The following SMC1A variants were observed in gnomAD, a reference collection of about 807,000 sequenced individuals.
The protein encoded by SMC1A is structural maintenance of chromosomes 1A.
Under a neutral mutation model 94.5 loss-of-function variants are expected in SMC1A, and 4 were observed. That is an observed-to-expected ratio of 0.04 (90% CI 0.02 to 0.10). SMC1A has a LOEUF of 0.10. Ranked by LOEUF, SMC1A falls within the 10% of genes least tolerant of loss-of-function variation. SMC1A has a pLI of 1.00. For missense variants in SMC1A, 304 were observed against 989.0 expected (o/e 0.31, Z 9.29); for synonymous variants, 345 against 347.7 (o/e 0.99, Z 0.09).
chrX:53,381,677 G>A (rs782386499), intron 22 of SMC1A: 1 of 152,082 alleles, frequency 6.6e-6, no homozygotes, highest in Non-Finnish European at 1.3e-5. Flanking sequence ...TATGCATCTG[G>A]CTTCTACTAG....
Position 53,380,112 on chromosome X carries a change from A to T in SMC1A, c.3693T>A (p.Asn1231Lys). 8.3e-7 allele frequency: 1 copy of T among 1,204,042 alleles called. No individual in the cohort carries two copies. The highest frequency in any genetic ancestry group is 1.1e-6 in the Non-Finnish European group (1 of 889,291). ...TKYPDANPNPNEQ is the reference protein window; with the variant it reads ...TKYPDANPNPKEQ ...GAGGGCAAAAATACTGCTACTGCTC[A>T]TTGGGGTTGGGGTTGGCATCTGGGT... The change falls in exon 25 of 25, where the codon AAT (asparagine) becomes AAA (lysine). Residue 1231 changes from asparagine to lysine, a missense_variant. This residue lies in a region of SMC1A where 24 missense variants were observed against 43.5 expected (regional missense o/e 0.55). Coordinates refer to ENST00000322213, the MANE Select transcript of SMC1A (RefSeq NM_006306.4).
intron 22 of SMC1A, chrX:53,381,883 T>TCCTCC: frequency 3.2e-6 from 1 of 314,764 alleles, no homozygotes; most frequent in Non-Finnish European, 5.7e-6. Context: ...CAAGGAGGGC[T>TCCTCC]TCCTAAAGGG....
intron 9 of SMC1A, among the ~76,000 whole-genome samples, chrX:53,408,338 A>G (rs782124948): frequency 9.0e-6 from 1 of 110,766 alleles, no homozygotes; most frequent in Non-Finnish European, 1.9e-5. Flanking sequence ...CTCAAAATCA[A>G]TCAATCAATC....
intron 7 of SMC1A, among the ~76,000 whole-genome samples, chrX:53,410,595 T>C (rs185689915): frequency 9.3e-6 from 1 of 108,093 alleles, no homozygotes; most frequent in East Asian, 2.9e-4. Flanking sequence ...AGGTCAGGAG[T>C]TCGAGACCAG....
chrX:53,380,917 G>T, intron 23 of SMC1A, 101 bp downstream of exon 23: 2 of 748,636 alleles, frequency 2.7e-6, no homozygotes, highest in Non-Finnish European at 4.2e-6. Flanking sequence ...GGCACAGAGA[G>T]CAGGCAGCAG....
At chrX:53,398,612 T>A (rs1274822517) in intron 16 of SMC1A, among the ~76,000 whole-genome samples, 2 of 111,348 alleles carry the variant, frequency 1.8e-5, no homozygotes, top group African/African-American at 6.5e-5. Context: ...TCTAAGTATA[T>A]ATATTTATAT....
chrX:53,379,783 A>G lies in SMC1A; in HGVS notation c.*320T>C. On this transcript the variant is annotated 3_prime_UTR_variant, in exon 25 of 25. Coordinates refer to ENST00000322213, the MANE Select transcript of SMC1A (RefSeq NM_006306.4). ...TACATACATACACACATACATACCC[A>G]CACACACAGTGGGCAAGAGGCCCAA... The G allele has an allele frequency of 2.6e-6, 1 of 377,505 alleles. No individual in the cohort carries two copies. The highest frequency in any genetic ancestry group is 4.3e-5 in the South Asian group (1 of 23,161). 31.1% of individuals were successfully genotyped at this position (377,505 alleles called of 1,213,427 possible).
At chrX:53,396,998 A>G in intron 16 of SMC1A, among the ~76,000 whole-genome samples, 1 of 110,979 alleles carries the variant, frequency 9.0e-6, no homozygotes, top group Non-Finnish European at 1.9e-5. Flanking sequence ...ACTTAATGTT[A>G]TATTTGAGCA....
At chrX:53,409,321 T>C in intron 8 of SMC1A, 52 bp from the exon 9 acceptor site, 2 of 1,177,531 alleles carry the variant, frequency 1.7e-6, no homozygotes, top group Non-Finnish European at 2.3e-6. Context: ...AAAATACTCC[T>C]GGCTCAGAGA....
chrX:53,422,157 G>A (rs1320377742), intron 1 of SMC1A: 2 of 841,845 alleles, frequency 2.4e-6, no homozygotes. Flanking sequence ...GTCCGGCGGG[G>A]AGCCGCGCGG....
chrX:53,413,313 A>G lies in SMC1A; in HGVS notation c.534T>C (p.Ala178=). 1 of 1,211,805 alleles carries G rather than the reference A, an allele frequency of 8.3e-7. No homozygotes were observed. Among genetic ancestry groups the G allele is most frequent in the Non-Finnish European group, 1.1e-6 (1 of 895,480 alleles). ...YDKRKKEMVK[A]EEDTQFNYHR... ...GGTAATTAAACTGTGTGTCCTCTTC[A>G]GCCTTCACCATTTCCTTCTTTCGCT... Residue 178 remains alanine (A), a synonymous_variant, in exon 4 of 25, where the codon GCT becomes GCC. Transcript: ENST00000322213.
Position 53,412,205 on chromosome X carries a change from G to A in SMC1A, c.903C>T (p.Ala301=). The A allele has an allele frequency of 2.5e-6, 3 of 1,211,005 alleles. No homozygotes were observed. The highest frequency in any genetic ancestry group is 3.4e-6 in the Non-Finnish European group (3 of 895,055). The change falls in exon 6 of 25, where the codon GCC becomes GCT. Residue 301 remains alanine (A), a synonymous_variant. Transcript: ENST00000322213. ...TGATTTTGTGGGAGGTGTTCTCCTT[G>A]GCTTTGATGTACTGAGGCCGCTTCT... ...LNQKRPQYIK[A]KENTSHKIKK... is the part of the protein sequence containing the mutation.
chrX:53,381,170 A>T, intron 22 of SMC1A, 83 bp from the exon 23 acceptor site: 6 of 580,476 alleles, frequency 1.0e-5, no homozygotes, highest in South Asian at 2.6e-5. Context: ...GGGCCCATCA[A>T]ACAGGCCAGC....
At chrX:53,399,941 G>A (rs1237700930) in intron 15 of SMC1A, among the ~76,000 whole-genome samples, 9 of 111,346 alleles carry the variant, frequency 8.1e-5, no homozygotes, top group Non-Finnish European at 1.7e-4. Context: ...GCCTAGCCCT[G>A]TGGACATGGC....
intron 16 of SMC1A, among the ~76,000 whole-genome samples, chrX:53,397,410 G>A (rs1019891647): frequency 3.3e-4 from 37 of 110,916 alleles, no homozygotes; most frequent in African/African-American, 1.2e-3. Flanking sequence ...GCAAAACCCC[G>A]TCTCTACAAA....
intron 22 of SMC1A, 125 bp from the exon 23 acceptor site, chrX:53,381,212 C>T: frequency 4.2e-6 from 2 of 476,245 alleles, no homozygotes; most frequent in Non-Finnish European, 3.7e-6. Context: ...AACTAAAAAA[C>T]CCAGGTCTCA....
chrX:53,394,901 C>A lies in SMC1A; in HGVS notation c.2863-13G>T. ...CCTGGGAGCTACCCTGCAATGGCAACGGAGAGTCAAGTGGAGCAGACTGGC... is the reference window on the plus strand; with the variant it reads ...CCTGGGAGCTACCCTGCAATGGCAAAGGAGAGTCAAGTGGAGCAGACTGGC... On this transcript the variant is annotated splice_polypyrimidine_tract_variant and intron_variant, in intron 18 of 24. Coordinates refer to ENST00000322213, the MANE Select transcript of SMC1A (RefSeq NM_006306.4). 1 of 1,052,974 alleles carries A rather than the reference C, an allele frequency of 9.5e-7. No individual in the cohort carries two copies. The highest frequency in any genetic ancestry group is 1.3e-6 in the Non-Finnish European group (1 of 750,826). The allele number at this position is 1,052,974 out of a possible 1,213,427, so 86.8% of individuals were successfully genotyped here. A position where few individuals can be genotyped will look rare whatever the true frequency, so the allele number is the denominator to read the frequency against.
intron 1 of SMC1A, among the ~76,000 whole-genome samples, chrX:53,420,521 C>CAA (rs781807659): frequency 6.0e-5 from 3 of 49,765 alleles, no homozygotes; most frequent in African/African-American, 7.3e-5. Flanking sequence ...AAGACTGTCT[C>CAA]AAAAAAAAAA....
chrX:53,393,449 T>C lies in SMC1A; in HGVS notation c.2973+1329A>G, dbSNP rs781945442. On this transcript the variant is annotated intron_variant, in intron 19 of 24. Transcript: ENST00000322213. ...TGCAAAAAAAATAAAAATAAAAAAA[T>C]ATTATGGGACTTTCATGGAAATCTA... Among the ~76,000 whole-genome samples the C allele has an allele frequency of 4.0e-3, 447 of 111,654 alleles. 7 individuals are homozygous for C. The highest frequency in any genetic ancestry group is 0.028 in the Middle Eastern group (6 of 216).
Sources: gnomAD v4.1 joint callset for allele counts (sites outside exome capture counted in the v4.1 genomes callset) on GRCh38, gnomAD v4.1.1 for gene constraint, gnomAD v4.1.1 regional missense constraint, MANE v1.5 for transcripts, NCBI Gene and HGNC (gene_info 2026-07-23, HGNC 2026-07-21) for gene names.